CDK14: variants seen among roughly 807,000 people sequenced by gnomAD.
CDK14 encodes cyclin dependent kinase 14.
CDK14 carries 34 observed loss-of-function variants against 60.7 expected under a neutral mutation model. The observed-to-expected ratio is 0.56, with a 90% CI of 0.43 to 0.75. The LOEUF is 0.75. Among genes scored for constraint, CDK14 ranks in the 30% least tolerant of loss-of-function variants. The probability of loss-of-function intolerance (pLI) is 0.00; values close to 1 mark genes in which losing one functional copy is unlikely to be tolerated. For missense variants in CDK14, 482 were observed against 564.1 expected, an observed-to-expected ratio of 0.85 and a Z score of 1.47; for synonymous variants, 197 against 203.7, an observed-to-expected ratio of 0.97 and a Z score of 0.28.
At chr7:91,172,990 C>T (rs1281206079) in intron 14 of CDK14, among the ~76,000 whole-genome samples, 1 of 152,094 alleles carries the variant, frequency 6.6e-6, no homozygotes, top group Non-Finnish European at 1.5e-5. Flanking sequence ...TTAATTTTCC[C>T]ATGTTGTTCT....
intron 14 of CDK14, among the ~76,000 whole-genome samples, chr7:91,124,763 T>C (rs1340597328): frequency 2.6e-5 from 4 of 152,150 alleles, no homozygotes; most frequent in Non-Finnish European, 5.9e-5. Flanking sequence ...GAGTGAAGCT[T>C]TCTTATAAAT....
At chr7:90,811,897 C>G (rs1331539937) in intron 5 of CDK14, among the ~76,000 whole-genome samples, 2 of 152,146 alleles carry the variant, frequency 1.3e-5, no homozygotes, top group Non-Finnish European at 2.9e-5. Context: ...CAGAGAAATG[C>G]AAATCAAAGC....
intron 8 of CDK14, among the ~76,000 whole-genome samples, chr7:90,943,721 C>T (rs938870155): frequency 3.9e-5 from 6 of 152,168 alleles, no homozygotes; most frequent in African/African-American, 1.2e-4. Context: ...TGAGCTTTAA[C>T]GTGATTCAAC....
chr7:91,130,599 A>C (rs555980444), intron 14 of CDK14, among the ~76,000 whole-genome samples: 22 of 152,108 alleles, frequency 1.4e-4, no homozygotes, highest in Admixed American at 5.2e-4. Context: ...TTTTTTTGCT[A>C]TATGAAATGA....
At chr7:90,814,505 G>A (rs911730738) in intron 5 of CDK14, among the ~76,000 whole-genome samples, 10 of 152,176 alleles carry the variant, frequency 6.6e-5, no homozygotes, top group East Asian at 3.9e-4. Flanking sequence ...CATTGTGGCC[G>A]GGCGTGGTGG....
intron 2 of CDK14, among the ~76,000 whole-genome samples, chr7:90,679,168 T>C (rs1196145876): frequency 2.6e-5 from 4 of 152,120 alleles, no homozygotes; most frequent in Admixed American, 2.0e-4. Context: ...CCCACGCTGG[T>C]ATCAAATTCC....
chr7:90,902,188 A>G (rs894972873), intron 7 of CDK14, among the ~76,000 whole-genome samples: 2 of 152,114 alleles, frequency 1.3e-5, no homozygotes, highest in Non-Finnish European at 2.9e-5. Flanking sequence ...CAATCTACAG[A>G]TTCAATACAA....
At chr7:90,991,036 G>A (rs370657345) in intron 10 of CDK14, among the ~76,000 whole-genome samples, 1 of 152,156 alleles carries the variant, frequency 6.6e-6, no homozygotes, top group South Asian at 2.1e-4. Flanking sequence ...GTTGCAAAAC[G>A]ATTGTTACAC....
chr7:90,736,344 G>GCTTTTTTTTTTTTT (rs1563063351), intron 3 of CDK14, among the ~76,000 whole-genome samples: 1 of 41,034 alleles, frequency 2.4e-5, no homozygotes, highest in African/African-American at 9.0e-5. Flanking sequence ...ACTTTATTAT[G>GCTTTTTTTTTTTTT]TTTTTGTTTT....
chr7:90,731,080 G>C (rs1802844611), intron 3 of CDK14, among the ~76,000 whole-genome samples: 1 of 152,146 alleles, frequency 6.6e-6, no homozygotes, highest in Non-Finnish European at 1.5e-5. Flanking sequence ...TGGCTAGCCA[G>C]TTTTCCCAAC....
intron 2 of CDK14, among the ~76,000 whole-genome samples, chr7:90,724,239 T>C (rs951941923): frequency 4.6e-5 from 7 of 152,144 alleles, no homozygotes; most frequent in South Asian, 2.1e-4. Flanking sequence ...GTTTGTAGTA[T>C]TTGTAGAACA....
At chr7:90,811,875 A>C (rs1397156023) in intron 5 of CDK14, among the ~76,000 whole-genome samples, 1 of 152,254 alleles carries the variant, frequency 6.6e-6, no homozygotes, top group Non-Finnish European at 1.5e-5. Flanking sequence ...AATGCTCATC[A>C]TCACTGGCCA....
chr7:90,628,236 C>T (rs569455768), intron 2 of CDK14, among the ~76,000 whole-genome samples: 2 of 152,158 alleles, frequency 1.3e-5, no homozygotes, highest in South Asian at 4.1e-4. Flanking sequence ...GGATTACAGG[C>T]GTGAGCCACC....
chr7:90,983,914 C>G (rs548242151), intron 9 of CDK14, among the ~76,000 whole-genome samples: 2 of 152,078 alleles, frequency 1.3e-5, no homozygotes, highest in Admixed American at 6.6e-5. Flanking sequence ...TTGGGTACTA[C>G]GTTCAGTACC....
At chr7:91,091,254 T>A (rs1007618454) in intron 12 of CDK14, among the ~76,000 whole-genome samples, 6 of 146,000 alleles carry the variant, frequency 4.1e-5, no homozygotes, top group African/African-American at 1.3e-4. Context: ...GTAAAAAAAA[T>A]ATTTTATTTA....
At chr7:90,917,806 G>C (rs1793126352) in intron 8 of CDK14, 82 bp downstream of exon 8, 1 of 1,352,962 alleles carries the variant, frequency 7.4e-7, no homozygotes, top group Admixed American at 2.0e-5. Flanking sequence ...TTGTTTAGGT[G>C]CACTTCTTCT....
At chr7:91,115,799 G>A (rs1055439554) in intron 13 of CDK14, among the ~76,000 whole-genome samples, 1 of 152,124 alleles carries the variant, frequency 6.6e-6, no homozygotes, top group African/African-American at 2.4e-5. Flanking sequence ...GAAATTACGG[G>A]CTTATGTCAG....
At chr7:91,137,480 A>G (rs550485053) in intron 14 of CDK14, among the ~76,000 whole-genome samples, 9 of 152,326 alleles carry the variant, frequency 5.9e-5, no homozygotes, top group Non-Finnish European at 1.3e-4. Context: ...AAAAAAAGTA[A>G]TATGTAGGCT....
intron 2 of CDK14, among the ~76,000 whole-genome samples, chr7:90,645,795 T>C (rs937968194): frequency 6.6e-6 from 1 of 152,238 alleles, no homozygotes; most frequent in Non-Finnish European, 1.5e-5. Flanking sequence ...CTTTAACATA[T>C]TGGCCAAAGG....
Sources: allele counts gnomAD v4.1 joint callset (sites outside exome capture counted in the v4.1 genomes callset), GRCh38; gene constraint gnomAD v4.1.1; transcripts MANE v1.5; gene names NCBI Gene and HGNC (gene_info 2026-07-23, HGNC 2026-07-21).